Variants in TOPAZ1 observed in about 807,000 individuals in gnomAD.
TOPAZ1 encodes protein TOPAZ1.
A neutral mutation model predicts 172.2 loss-of-function variants in TOPAZ1; 66 were observed. That is an observed-to-expected ratio of 0.38 (90% CI 0.31 to 0.47). TOPAZ1 has a LOEUF of 0.47. Among genes scored for constraint, TOPAZ1 ranks in the 20% least tolerant of loss-of-function variants. TOPAZ1 has a pLI of 0.99. For synonymous variants in TOPAZ1, 681 were observed against 683.9 expected (o/e 1.00, Z 0.07); for missense variants, 1,822 against 1,972.4 (o/e 0.92, Z 1.44).
chr3:44,300,424 T>TA (rs780059299), intron 12 of TOPAZ1, among the ~76,000 whole-genome samples: 22 of 114,818 alleles, frequency 1.9e-4, no homozygotes, highest in African/African-American at 5.2e-4. Context: ...TGAGACGTCT[T>TA]AAAAAAAAAG....
intron 15 of TOPAZ1, among the ~76,000 whole-genome samples, chr3:44,307,059 G>GT (rs1314325537): frequency 6.6e-6 from 1 of 152,068 alleles, no homozygotes; most frequent in East Asian, 1.9e-4. Context: ...TTTCGCTCTT[G>GT]TTGCCCAGGC....
rs1460581816 is a variant in TOPAZ1 at position 44,275,954 on chromosome 3, A to G, written c.3372+5144A>G. 4.0e-5 allele frequency among the ~76,000 whole-genome samples: 6 copies of G among 151,152 alleles called. No individual in the cohort carries two copies. The South Asian group carries it at 1.0e-3, about 26-fold the overall frequency. ...ATTTGCATTTCCCTGATATGTAGTA[A>G]TGTTGAGCATTCTTTCATATACCTG... On this transcript the variant is annotated intron_variant, in intron 8 of 19. Transcript: ENST00000309765.
intron 5 of TOPAZ1, among the ~76,000 whole-genome samples, chr3:44,264,810 A>C (rs757055437): frequency 4.6e-5 from 7 of 152,252 alleles, no homozygotes; most frequent in African/African-American, 7.2e-5. Flanking sequence ...CTTCATCAGG[A>C]GTAGATTTCA....
rs1455930657 is a variant in TOPAZ1 at position 44,244,163 on chromosome 3, A to G, written c.1657A>G (p.Thr553Ala). 1 of 1,551,254 alleles carries G rather than the reference A, an allele frequency of 6.4e-7. No homozygotes were observed. The highest frequency in any genetic ancestry group is 2.0e-5 in the Admixed American group (1 of 50,974). The part of the protein sequence containing the change: ...DSKLLLQSSL[T>A]ETNTESSSKE... ...CAAATTATTATTACAAAGTTCCTTA[A>G]CAGAAACAAACACTGAATCTTCAAG... Residue 553 changes from threonine to alanine, a missense_variant, in exon 2 of 20, where the codon ACA becomes GCA. Thr to Ala is a moderately conservative substitution (Grantham distance 58, BLOSUM62 0). This residue lies in a region of TOPAZ1 where 1,489 missense variants were observed against 1,490.8 expected (regional missense o/e 1.00). Transcript: ENST00000309765.
chr3:44,262,535 T>A, intron 5 of TOPAZ1, 52 bp downstream of exon 5: 2 of 964,148 alleles, frequency 2.1e-6, no homozygotes, highest in Non-Finnish European at 3.1e-6. Flanking sequence ...CTCATCTAAT[T>A]TATATCTTGA....
At chr3:44,265,471 G>A (rs1296890484) in intron 5 of TOPAZ1, among the ~76,000 whole-genome samples, 1 of 152,168 alleles carries the variant, frequency 6.6e-6, no homozygotes, top group African/African-American at 2.4e-5. Flanking sequence ...GCAGAGAATT[G>A]CTTGAACCCA....
At chr3:44,270,582 T>C (rs972091794) in intron 7 of TOPAZ1, 103 bp from the exon 8 acceptor site, 3 of 704,082 alleles carry the variant, frequency 4.3e-6, no homozygotes, top group African/African-American at 1.9e-5. Context: ...ATCTTGATAC[T>C]CTTTGGAATA....
At chr3:44,255,661 A>AT (rs1478265610) in intron 3 of TOPAZ1, among the ~76,000 whole-genome samples, 6 of 76,150 alleles carry the variant, frequency 7.9e-5, no homozygotes, top group Admixed American at 1.5e-4. Context: ...CAAAAAAAAA[A>AT]AATATATATA....
chr3:44,311,098 AAC>A (rs1700392939), intron 16 of TOPAZ1, among the ~76,000 whole-genome samples: 1 of 152,154 alleles, frequency 6.6e-6, no homozygotes, highest in Non-Finnish European at 1.5e-5. Context: ...AGAACTGTAA[AAC>A]ACACTAACAC....
chr3:44,319,863 T>C (rs1338561166), intron 16 of TOPAZ1, among the ~76,000 whole-genome samples: 1 of 152,230 alleles, frequency 6.6e-6, no homozygotes, highest in Non-Finnish European at 1.5e-5. Context: ...TCTTCAATAC[T>C]TTTTATATTC....
chr3:44,294,286 A>G (rs544628599), intron 12 of TOPAZ1, among the ~76,000 whole-genome samples: 281 of 152,248 alleles, frequency 1.8e-3, no homozygotes, highest in African/African-American at 6.4e-3. Context: ...GACTGTATAT[A>G]GTATTCTTTA....
intron 19 of TOPAZ1, among the ~76,000 whole-genome samples, chr3:44,331,266 A>C (rs1700665313): frequency 6.6e-6 from 1 of 152,146 alleles, no homozygotes; most frequent in Non-Finnish European, 1.5e-5. Flanking sequence ...TTTTGTCATC[A>C]GGGTATAAGT....
intron 12 of TOPAZ1, among the ~76,000 whole-genome samples, chr3:44,296,847 CAA>C (rs141080618): frequency 0.01 from 1,084 of 104,732 alleles, 10 homozygotes; most frequent in Middle Eastern, 0.058. Context: ...CAGAGAATAC[CAA>C]AAAAAAAAAA....
At position 44,270,672 on chromosome 3, in the gene TOPAZ1, T is replaced by C. The variant is rs954910385; in HGVS notation, c.3247-13T>C. On this transcript the variant is annotated splice_polypyrimidine_tract_variant and intron_variant, in intron 7 of 19. Coordinates refer to ENST00000309765, the MANE Select transcript of TOPAZ1 (RefSeq NM_001145030.2). ...ACAGTTAATACAGAAAGTGAATCTTTCTAATTTTCTAGGTGTTCCAGAAGT... is the reference window on the plus strand; with the variant it reads ...ACAGTTAATACAGAAAGTGAATCTTCCTAATTTTCTAGGTGTTCCAGAAGT... The C allele has an allele frequency of 6.5e-7, 1 of 1,531,002 alleles. No homozygotes were observed. The allele number at this position is 1,531,002 out of a possible 1,614,324, so 94.8% of individuals were successfully genotyped here.
chr3:44,296,847 C>CAAAAAAAAAAAAA (rs141080618), intron 12 of TOPAZ1, among the ~76,000 whole-genome samples: 3 of 104,768 alleles, frequency 2.9e-5, no homozygotes, highest in East Asian at 2.6e-4. Context: ...CAGAGAATAC[C>CAAAAAAAAAAAAA]AAAAAAAAAA....
chr3:44,253,167 A>C (rs1280883191), intron 2 of TOPAZ1, among the ~76,000 whole-genome samples: 1 of 152,206 alleles, frequency 6.6e-6, no homozygotes, highest in Non-Finnish European at 1.5e-5. Flanking sequence ...AAAGCTTTTG[A>C]AAAGGACATG....
intron 15 of TOPAZ1, among the ~76,000 whole-genome samples, chr3:44,309,556 A>G (rs1371884851): frequency 6.6e-6 from 1 of 152,238 alleles, no homozygotes; most frequent in Non-Finnish European, 1.5e-5. Flanking sequence ...GTATAAAACA[A>G]ATAAAAAGAA....
intron 16 of TOPAZ1, among the ~76,000 whole-genome samples, chr3:44,310,383 C>T (rs763076415): frequency 1.6e-4 from 24 of 152,052 alleles, no homozygotes; most frequent in Non-Finnish European, 2.6e-4. Flanking sequence ...CTTGTAATCC[C>T]AACTACTCAG....
chr3:44,272,245 C>T (rs948894010), intron 8 of TOPAZ1, among the ~76,000 whole-genome samples: 1 of 152,128 alleles, frequency 6.6e-6, no homozygotes, highest in Non-Finnish European at 1.5e-5. Flanking sequence ...GATTTCAAAT[C>T]TTTTGGGTAA....
Sources: allele counts gnomAD v4.1 joint callset (sites outside exome capture counted in the v4.1 genomes callset), GRCh38; gene constraint gnomAD v4.1.1; regional missense constraint gnomAD v4.1.1; transcripts MANE v1.5; gene names NCBI Gene and HGNC (gene_info 2026-07-23, HGNC 2026-07-21).